ELOVL6: variants seen among roughly 807,000 people sequenced by gnomAD.
ELOVL6 encodes ELOVL fatty acid elongase 6, also known as very long chain fatty acid elongase 6.
A neutral mutation model predicts 31.7 loss-of-function variants in ELOVL6; 8 were observed. That is an observed-to-expected ratio of 0.25 (90% CI 0.15 to 0.45). ELOVL6 has a LOEUF of 0.45. Ranked by LOEUF, ELOVL6 falls within the 20% of genes least tolerant of loss-of-function variation. The pLI, the probability that ELOVL6 is intolerant of heterozygous loss-of-function variation, is 1.00. For missense variants in ELOVL6, 126 were observed against 326.4 expected (o/e 0.39, Z 4.73); for synonymous variants, 101 against 117.7 (o/e 0.86, Z 0.92).
intron 2 of ELOVL6, among the ~76,000 whole-genome samples, chr4:110,068,530 G>A (rs568451866): frequency 6.6e-6 from 1 of 152,318 alleles, no homozygotes; most frequent in East Asian, 1.9e-4. Context: ...CTGATTAAAT[G>A]TTTGATAGGA....
At chr4:110,130,743 A>T (rs757441028) in intron 1 of ELOVL6, among the ~76,000 whole-genome samples, 1 of 152,218 alleles carries the variant, frequency 6.6e-6, no homozygotes, top group Non-Finnish European at 1.5e-5. Context: ...GCACTGCAAT[A>T]GCTACAGTGC....
intron 1 of ELOVL6, among the ~76,000 whole-genome samples, chr4:110,166,790 G>C (rs1758791701): frequency 6.6e-6 from 1 of 152,052 alleles, no homozygotes; most frequent in Admixed American, 6.6e-5. Flanking sequence ...CCAACTATTA[G>C]CTCTCAAAGT....
At chr4:110,069,131 A>AAAT (rs58966120) in intron 2 of ELOVL6, among the ~76,000 whole-genome samples, 25,964 of 133,460 alleles carry the variant, frequency 0.19, 2,506 homozygotes, top group African/African-American at 0.23. Flanking sequence ...CTCTGTCTCC[A>AAAT]AATAATAATA....
chr4:110,073,458 G>A (rs1448378135), intron 2 of ELOVL6, among the ~76,000 whole-genome samples: 4 of 152,174 alleles, frequency 2.6e-5, no homozygotes, highest in African/African-American at 9.7e-5. Flanking sequence ...AATGAATAAC[G>A]CAAACTCAGT....
At chr4:110,088,442 G>A (rs566156479) in intron 2 of ELOVL6, among the ~76,000 whole-genome samples, 1 of 152,224 alleles carries the variant, frequency 6.6e-6, no homozygotes, top group Admixed American at 6.5e-5. Context: ...CAGATTTAAT[G>A]GCTTTTCCAT....
At chr4:110,103,258 C>T (rs1197451709) in intron 2 of ELOVL6, among the ~76,000 whole-genome samples, 3 of 151,420 alleles carry the variant, frequency 2.0e-5, no homozygotes, top group Non-Finnish European at 4.4e-5. Context: ...CAGTTCTGGA[C>T]AAGAAATATA....
intron 2 of ELOVL6, among the ~76,000 whole-genome samples, chr4:110,079,748 C>A (rs918220317): frequency 2.5e-4 from 38 of 151,656 alleles, no homozygotes; most frequent in Non-Finnish European, 4.6e-4. Flanking sequence ...CAGAGCAGAA[C>A]TGAAGGAAAC....
intron 1 of ELOVL6, among the ~76,000 whole-genome samples, chr4:110,184,583 G>GACTC (rs1759386425): frequency 6.6e-6 from 1 of 152,188 alleles, no homozygotes; most frequent in Admixed American, 6.5e-5. Flanking sequence ...TCAGATCAGT[G>GACTC]ACTCAGAAAG....
chr4:110,113,174 G>A (rs1412825243), intron 1 of ELOVL6, among the ~76,000 whole-genome samples: 3 of 149,592 alleles, frequency 2.0e-5, no homozygotes, highest in African/African-American at 7.4e-5. Flanking sequence ...GCTGCAGCGA[G>A]CCAGGATTGT....
chr4:110,056,073 T>C (rs1754972816), intron 3 of ELOVL6, among the ~76,000 whole-genome samples: 1 of 147,378 alleles, frequency 6.8e-6, no homozygotes, highest in South Asian at 2.2e-4. Context: ...ATCTGAATAA[T>C]ATGTATATTT....
chr4:110,112,880 G>A (rs751433427), intron 1 of ELOVL6, among the ~76,000 whole-genome samples: 1 of 149,860 alleles, frequency 6.7e-6, no homozygotes, highest in Non-Finnish European at 1.5e-5. Flanking sequence ...TCTCAGAAAC[G>A]AAAATAAAAA....
intron 1 of ELOVL6, among the ~76,000 whole-genome samples, chr4:110,177,469 TAATAA>T (rs1350310719): frequency 4.0e-5 from 6 of 151,428 alleles, no homozygotes; most frequent in Non-Finnish European, 8.8e-5. Context: ...ATAATAATAA[TAATAA>T]AATAAGAGCA....
In ELOVL6 at chr4:110,051,804, A is replaced by C. The variant is rs778653095; in HGVS notation, c.374-42T>G. The C allele has an allele frequency of 3.9e-6, 6 of 1,540,452 alleles. No homozygotes were observed. The highest frequency in any genetic ancestry group is 5.3e-6 in the Non-Finnish European group (6 of 1,128,132). The stretch of plus-strand genomic sequence containing the variant: ...AAGAAGGTACGTGAGATCCTTGACC[A>C]CCAGTAACGATGACTTACAGTTTTG... On this transcript the variant is annotated intron_variant, in intron 3 of 3. Coordinates refer to ENST00000302274, the MANE Select transcript of ELOVL6 (RefSeq NM_024090.3). The surrounding 1 kb of genome is among the most constrained non-coding windows in gnomAD (Gnocchi z 4.8).
At chr4:110,120,802 T>TC (rs1553959048) in intron 1 of ELOVL6, among the ~76,000 whole-genome samples, 9 of 141,234 alleles carry the variant, frequency 6.4e-5, no homozygotes, top group South Asian at 2.4e-4. Context: ...TCTTTTCTTT[T>TC]TTTTTTTTTT....
At chr4:110,195,284 A>AT (rs1403641570) in intron 1 of ELOVL6, among the ~76,000 whole-genome samples, 12 of 151,966 alleles carry the variant, frequency 7.9e-5, no homozygotes, top group Admixed American at 6.6e-5. Flanking sequence ...CGCTCGGCTA[A>AT]TTTTTTTGTA....
intron 2 of ELOVL6, among the ~76,000 whole-genome samples, chr4:110,063,750 T>A (rs1405105216): frequency 4.2e-5 from 6 of 143,980 alleles, no homozygotes; most frequent in Admixed American, 6.9e-5. Flanking sequence ...GGTCATACTT[T>A]AAAAAAAAAA....
At chr4:110,054,938 C>T (rs1754937763) in intron 3 of ELOVL6, among the ~76,000 whole-genome samples, 1 of 152,098 alleles carries the variant, frequency 6.6e-6, no homozygotes, top group African/African-American at 2.4e-5. Flanking sequence ...AACACATATG[C>T]ACGATGGTGG....
chr4:110,084,561 CAG>C (rs1560815790), intron 2 of ELOVL6, among the ~76,000 whole-genome samples: 1 of 61,188 alleles, frequency 1.6e-5, no homozygotes, highest in African/African-American at 8.8e-5. Flanking sequence ...CACACACACA[CAG>C]ATATATATAT....
chr4:110,158,655 A>ATTTTTTTTTTTT (rs1365076499), intron 1 of ELOVL6, among the ~76,000 whole-genome samples: 1 of 76,200 alleles, frequency 1.3e-5, no homozygotes, highest in Non-Finnish European at 2.3e-5. Context: ...ATATATATAT[A>ATTTTTTTTTTTT]TATTTTTTTT....
Sources: gnomAD v4.1 joint callset for allele counts (sites outside exome capture counted in the v4.1 genomes callset) on GRCh38, gnomAD v4.1.1 for gene constraint, Gnocchi (gnomAD v3.1) non-coding constraint, MANE v1.5 for transcripts, NCBI Gene and HGNC (gene_info 2026-07-23, HGNC 2026-07-21) for gene names.